Variants in MSR1 observed in about 807,000 individuals in gnomAD.
MSR1 encodes the protein macrophage scavenger receptor 1.
In MSR1, 53 loss-of-function variants were observed where a neutral mutation model predicts 47.2. The ratio of observed to expected loss-of-function variants is 1.12; its 90% CI spans 0.90 to 1.41. The LOEUF is 1.41. MSR1 is among the 40% of genes most tolerant of loss of function. The pLI is 0.00. For synonymous variants in MSR1, 239 were observed against 185.6 expected (o/e 1.29, Z -2.34); for missense variants, 786 against 546.9 (o/e 1.44, Z -4.36).
intron 4 of MSR1, among the ~76,000 whole-genome samples, chr8:16,166,406 C>A (rs375922975): frequency 6.6e-6 from 1 of 151,706 alleles, no homozygotes; most frequent in Non-Finnish European, 1.5e-5. Flanking sequence ...CGTGGTCCAC[C>A]CACCTCGGCC....
chr8:16,140,848 G>C, intron 8 of MSR1: 1 of 1,575,202 alleles, frequency 6.3e-7, no homozygotes, highest in Non-Finnish European at 8.6e-7. Flanking sequence ...CAGGAGAGAA[G>C]GCCATGTGGA....
Position 16,143,555 on chromosome 8 carries a change from T to A in MSR1, c.1033+3A>T. ...CACAGAAAACAAAATACTATATACT[T>A]ACTTAATGTGTTTCCACTCCCCTTT... On this transcript the variant is annotated splice_donor_region_variant and intron_variant, in intron 8 of 9. Coordinates refer to ENST00000262101, the MANE Select transcript of MSR1 (RefSeq NM_138715.3). 1 of 1,610,986 alleles carries A rather than the reference T, an allele frequency of 6.2e-7. No homozygotes were observed. Among genetic ancestry groups the A allele is most frequent in the Non-Finnish European group, 8.5e-7 (1 of 1,177,552 alleles).
At chr8:16,167,586 T>C (rs1261119255) in intron 4 of MSR1, among the ~76,000 whole-genome samples, 1 of 152,024 alleles carries the variant, frequency 6.6e-6, no homozygotes, top group Non-Finnish European at 1.5e-5. Context: ...CATTCCATGG[T>C]CTCTGCAGGA....
At chr8:16,182,359 C>G (rs142451818) in intron 1 of MSR1, among the ~76,000 whole-genome samples, 2 of 152,222 alleles carry the variant, frequency 1.3e-5, no homozygotes, top group South Asian at 4.1e-4. Flanking sequence ...ACATTGCACA[C>G]TTAAGCTACA....
intron 1 of MSR1, chr8:16,186,252 C>G: frequency 6.7e-7 from 1 of 1,495,540 alleles, no homozygotes; most frequent in Non-Finnish European, 9.0e-7. Flanking sequence ...CCTCATCTCC[C>G]CAACGTCTCA....
intron 1 of MSR1, among the ~76,000 whole-genome samples, chr8:16,192,251 T>C (rs1802218999): frequency 6.6e-6 from 1 of 152,162 alleles, no homozygotes; most frequent in Non-Finnish European, 1.5e-5. Flanking sequence ...ATATGTCAAA[T>C]TATACTTTGA....
At chr8:16,144,130 C>A (rs535308423) in intron 7 of MSR1, among the ~76,000 whole-genome samples, 1 of 152,076 alleles carries the variant, frequency 6.6e-6, no homozygotes, top group Non-Finnish European at 1.5e-5. Context: ...CCAGGATGAT[C>A]ACCTTTGGTT....
At chr8:16,161,525 A>G (rs1305128172) in intron 5 of MSR1, among the ~76,000 whole-genome samples, 3 of 152,026 alleles carry the variant, frequency 2.0e-5, no homozygotes, top group African/African-American at 7.2e-5. Context: ...TAAGCAAGCT[A>G]TAAAGTACAA....
chr8:16,141,052 C>T, intron 8 of MSR1: 2 of 1,612,818 alleles, frequency 1.2e-6, no homozygotes, highest in East Asian at 4.5e-5. Flanking sequence ...GGTCCTGACA[C>T]ATATATAAAG....
chr8:16,161,205 G>A lies in MSR1; in HGVS notation c.817+2860C>T, dbSNP rs145164345. 1.3e-4 allele frequency among the ~76,000 whole-genome samples: 19 copies of A among 151,790 alleles called. No homozygotes were observed. The East Asian group carries it at 3.7e-3, about 29-fold the overall frequency. ...TATTGTATGAAATAAGAATTAGTAG[G>A]ACTTACAAATGGATTACATAGAGAA... On this transcript the variant is annotated intron_variant, in intron 5 of 9. Coordinates refer to ENST00000262101, the MANE Select transcript of MSR1 (RefSeq NM_138715.3).
intron 1 of MSR1, among the ~76,000 whole-genome samples, chr8:16,187,226 G>C (rs1802027747): frequency 1.3e-5 from 2 of 151,704 alleles, no homozygotes; most frequent in East Asian, 3.9e-4. Flanking sequence ...AGCTGAGTGT[G>C]GTGGCGGGTA....
intron 6 of MSR1, among the ~76,000 whole-genome samples, chr8:16,154,799 GGTTACTCT>G (rs1800955217): frequency 6.6e-6 from 1 of 151,700 alleles, no homozygotes; most frequent in South Asian, 2.1e-4. Context: ...AATTCCATTT[GGTTACTCT>G]GGTTAAAGCA....
chr8:16,147,114 C>T (rs904270715), intron 7 of MSR1, among the ~76,000 whole-genome samples: 11 of 152,184 alleles, frequency 7.2e-5, no homozygotes, highest in Non-Finnish European at 1.2e-4. Flanking sequence ...CAAGGTAGAA[C>T]AGAACCTTCT....
chr8:16,110,005 T>C lies in MSR1; in HGVS notation c.*80A>G. On this transcript the variant is annotated 3_prime_UTR_variant, in exon 10 of 10. Transcript: ENST00000262101. ...ATATTCTTAATCTCTTAAATATTGATTAAATGGATTTTACAGGAACAAGGT... is the reference window on the plus strand; with the variant it reads ...ATATTCTTAATCTCTTAAATATTGACTAAATGGATTTTACAGGAACAAGGT... 1 of 1,547,444 alleles carries C rather than the reference T, an allele frequency of 6.5e-7. No homozygotes were observed. Among genetic ancestry groups the C allele is most frequent in the East Asian group, 2.3e-5 (1 of 44,336 alleles).
At chr8:16,175,077 T>C in intron 3 of MSR1, 110 bp downstream of exon 3, 4 of 872,944 alleles carry the variant, frequency 4.6e-6, no homozygotes, top group South Asian at 1.4e-5. Flanking sequence ...TAATGCAGTA[T>C]TTTCTTTATG....
rs1563175377 is a variant in MSR1 at position 16,189,309 on chromosome 8, T to TAAAATCTTATTTATATTTCATATATAC, written c.-5+3288_-5+3289insGTATATATGAAATATAAATAAGATTTT. Among the ~76,000 whole-genome samples, 272 of 117,370 alleles carry TAAAATCTTATTTATATTTCATATATAC rather than the reference T, an allele frequency of 2.3e-3. 2 individuals are homozygous for TAAAATCTTATTTATATTTCATATATAC. The highest frequency in any genetic ancestry group is 6.6e-3 in the African/African-American group (171 of 26,068). 77.0% of individuals were successfully genotyped at this position (117,370 alleles called of 152,430 possible). A position where few individuals can be genotyped will look rare whatever the true frequency, so the allele number is the denominator to read the frequency against. On this transcript the variant is annotated intron_variant, in intron 1 of 9. Coordinates refer to ENST00000262101, the MANE Select transcript of MSR1 (RefSeq NM_138715.3). ...AAATCTTATTTACATTTCATATATA[T>TAAAATCTTATTTATATTTCATATATAC]ATAAAATCTTATTTACATTTCATAT...
At chr8:16,190,015 C>A (rs1039833445) in intron 1 of MSR1, among the ~76,000 whole-genome samples, 2 of 147,948 alleles carry the variant, frequency 1.4e-5, no homozygotes, top group African/African-American at 5.0e-5. Context: ...CCTGGGTTCA[C>A]GTGATTCTCC....
At position 16,155,070 on chromosome 8, in the gene MSR1, G is replaced by C; in HGVS notation, c.892C>G (p.Pro298Ala). The C allele has an allele frequency of 2.5e-6, 4 of 1,611,010 alleles. No homozygotes were observed. Among genetic ancestry groups the C allele is most frequent in the Non-Finnish European group, 3.4e-6 (4 of 1,177,830 alleles). Residue 298 changes from proline (P) to alanine (A), a missense_variant, in exon 6 of 10, where the codon CCA becomes GCA. Pro to Ala is a conservative substitution (Grantham distance 27). Transcript: ENST00000262101. ...GESGPRGFPG[P>A]IGPPGLKGDR... ...ATAGCTAAAATTACCATACCTATTG[G>C]ACCTGGAAATCCTCGTGGACCACTT...
intron 7 of MSR1, among the ~76,000 whole-genome samples, chr8:16,147,980 T>C (rs547950057): frequency 6.6e-6 from 1 of 152,290 alleles, no homozygotes; most frequent in East Asian, 1.9e-4. Flanking sequence ...TCAGAAACTC[T>C]GGGGTGGAGT....
Sources: allele counts gnomAD v4.1 joint callset (sites outside exome capture counted in the v4.1 genomes callset), GRCh38; gene constraint gnomAD v4.1.1; transcripts MANE v1.5; gene names NCBI Gene and HGNC (gene_info 2026-07-23, HGNC 2026-07-21).